Variants in FASTKD2 observed in about 807,000 individuals in gnomAD.
FASTKD2 encodes FAST kinase domain-containing protein 2, mitochondrial.
Under a neutral mutation model 63.6 loss-of-function variants are expected in FASTKD2, and 51 were observed. That is an observed-to-expected ratio of 0.80 (90% CI 0.64 to 1.01). The LOEUF (loss-of-function observed/expected upper bound fraction) is 1.01, where lower values mean the gene tolerates loss of function less well. FASTKD2 is among the 50% of genes least tolerant of loss of function. The pLI is 0.00. For synonymous variants in FASTKD2, 284 were observed against 293.4 expected, an observed-to-expected ratio of 0.97 and a Z score of 0.33; for missense variants, 786 against 831.1, an observed-to-expected ratio of 0.95 and a Z score of 0.67.
chr2:206,781,537 A>G (rs762990537), intron 7 of FASTKD2, among the ~76,000 whole-genome samples: 55 of 151,702 alleles, frequency 3.6e-4, no homozygotes, highest in Non-Finnish European at 6.0e-4. Flanking sequence ...GCTGGTCTAC[A>G]ACTCCTGACC....
chr2:206,769,800 A>G (rs748739674), intron 2 of FASTKD2, among the ~76,000 whole-genome samples: 35 of 152,254 alleles, frequency 2.3e-4, no homozygotes, highest in Non-Finnish European at 3.8e-4. Flanking sequence ...TGTTTAATAA[A>G]AGTTGTTTCA....
chr2:206,766,796 G>A lies in FASTKD2; in HGVS notation c.103G>A (p.Val35Ile), dbSNP rs1366608730. ...GAACCTTAGACAATTCAGTACATTA[G>A]TTTCAACAAGCAGAACTATGAGGCT... Reference protein sequence around the residue: ...FWNLRQFSTLVSTSRTMRLCC... With the variant: ...FWNLRQFSTLISTSRTMRLCC... The change falls in exon 2 of 12, where the codon GTT (valine) becomes ATT (isoleucine). Residue 35 changes from valine (V) to isoleucine (I), a missense_variant. Coordinates refer to ENST00000402774, the MANE Select transcript of FASTKD2 (RefSeq NM_001136193.2). 4 of 1,613,190 alleles carry A rather than the reference G, an allele frequency of 2.5e-6. No homozygotes were observed. Among genetic ancestry groups the A allele is most frequent in the African/African-American group, 1.3e-5 (1 of 74,866 alleles).
In FASTKD2 at chr2:206,791,755, G is replaced by C. The variant is rs888370551; in HGVS notation, c.2086G>C (p.Val696Leu). ...VTFLKTKIYS[V>L]EALPVAAVNV... ...ATTTTTGAAGACTAAAATCTATTCA[G>C]TAGAAGCTCTTCCTGTTGCTGCTGT... Residue 696 changes from valine (V) to leucine (L), a missense_variant, in exon 12 of 12, where the codon GTA becomes CTA. Physicochemically the swap from Val to Leu is conservative, Grantham distance 32. Transcript: ENST00000402774. 2.5e-6 allele frequency: 4 copies of C among 1,612,754 alleles called. No homozygotes were observed. In the African/African-American group the frequency reaches 4.0e-5, roughly 16 times the overall value.
intron 7 of FASTKD2, 74 bp downstream of exon 7, chr2:206,774,471 T>C: frequency 2.0e-6 from 2 of 980,398 alleles, no homozygotes; most frequent in South Asian, 1.4e-5. Flanking sequence ...ATAAGCTTAA[T>C]GAATTATTAC....
At position 206,767,122 on chromosome 2, in the gene FASTKD2, T is replaced by A; in HGVS notation, c.429T>A (p.Asp143Glu). Residue 143 changes from aspartate to glutamate, a missense_variant, in exon 2 of 12, where the codon GAT (aspartate) becomes GAA (glutamate). Physicochemically the swap from Asp to Glu is conservative, Grantham distance 45. Transcript: ENST00000402774. ...VNLNHEVSNEDVLTKETKPNR... is the reference protein window; with the variant it reads ...VNLNHEVSNEEVLTKETKPNR... ...TTAATCATGAAGTCTCCAATGAAGA[T>A]GTTCTTACCAAGGAAACAAAACCAA... 1 of 1,614,090 alleles carries A rather than the reference T, an allele frequency of 6.2e-7. No individual in the cohort carries two copies.
chr2:206,784,249 AG>A (rs1690074533), intron 7 of FASTKD2, among the ~76,000 whole-genome samples: 1 of 152,266 alleles, frequency 6.6e-6, no homozygotes, highest in Non-Finnish European at 1.5e-5. Context: ...AGAGGAAGGC[AG>A]TACATGGTAG....
chr2:206,773,769 G>A (rs1213704339), intron 6 of FASTKD2, among the ~76,000 whole-genome samples: 1 of 152,056 alleles, frequency 6.6e-6, no homozygotes, highest in Non-Finnish European at 1.5e-5. Context: ...TTCACTTATA[G>A]GTATGAATAT....
rs1291590411 is a variant in FASTKD2, at chr2:206,794,822, T to C, written c.*3020T>C. 6.6e-6 allele frequency among the ~76,000 whole-genome samples: 1 copy of C among 152,208 alleles called. No homozygotes were observed. The highest frequency in any genetic ancestry group is 2.4e-5 in the African/African-American group (1 of 41,452). ...TGACATTCCAATTTATAGAATGTCA[T>C]GTGTTGTGAGGGTAGTCACCCTGCA... On this transcript the variant is annotated 3_prime_UTR_variant, in exon 12 of 12. Coordinates refer to ENST00000402774, the MANE Select transcript of FASTKD2 (RefSeq NM_001136193.2).
At chr2:206,777,436 A>T (rs1162454474) in intron 7 of FASTKD2, among the ~76,000 whole-genome samples, 1 of 151,858 alleles carries the variant, frequency 6.6e-6, no homozygotes, top group Non-Finnish European at 1.5e-5. Flanking sequence ...TGATCATATG[A>T]TTTTTCTCCT....
rs1436983789 is a variant in FASTKD2, at chr2:206,793,046, AC to A, written c.*1248del. Among the ~76,000 whole-genome samples, 1 of 151,770 alleles carries A rather than the reference AC, an allele frequency of 6.6e-6. No homozygotes were observed. Among genetic ancestry groups the A allele is most frequent in the Non-Finnish European group, 1.5e-5 (1 of 67,946 alleles). On this transcript the variant is annotated 3_prime_UTR_variant, in exon 12 of 12. Transcript: ENST00000402774. ...AGACAATCCTGGCCAACACGGTGAA[AC>A]CCCATCTCTACTAAAATACAAAAAA... is the stretch of plus-strand genomic sequence containing the variant.
intron 3 of FASTKD2, 128 bp downstream of exon 3, chr2:206,770,322 G>C: frequency 1.4e-6 from 1 of 719,758 alleles, no homozygotes; most frequent in Non-Finnish European, 2.5e-6. Context: ...TTTGTTGGTA[G>C]TTACAGTCTT....
intron 8 of FASTKD2, among the ~76,000 whole-genome samples, chr2:206,787,551 G>A (rs969183602): frequency 2.6e-5 from 4 of 152,174 alleles, no homozygotes; most frequent in East Asian, 1.9e-4. Context: ...ATAATACCAC[G>A]TGCTGGTTTT....
Position 206,791,768 on chromosome 2 carries a change from C to CTGTT in FASTKD2, c.2100_2103dup (p.Ala702CysfsTer13). 3.1e-6 allele frequency: 5 copies of CTGTT among 1,612,962 alleles called. No individual in the cohort carries two copies. Among genetic ancestry groups the CTGTT allele is most frequent in the Non-Finnish European group, 3.4e-6 (4 of 1,179,380 alleles). On this transcript the variant is annotated frameshift_variant, in exon 12 of 12. Coordinates refer to ENST00000402774, the MANE Select transcript of FASTKD2 (RefSeq NM_001136193.2). LOFTEE classifies it high-confidence loss of function. ...AAAATCTATTCAGTAGAAGCTCTTCCTGTTGCTGCTGTAAATGTGCAAAGC... is the reference window on the plus strand; with the variant it reads ...AAAATCTATTCAGTAGAAGCTCTTCCTGTTTGTTGCTGCTGTAAATGTGCAAAGC...
intron 8 of FASTKD2, 65 bp downstream of exon 8, chr2:206,786,964 A>G (rs1690154364): frequency 1.0e-6 from 1 of 957,444 alleles, no homozygotes; most frequent in Non-Finnish European, 1.7e-6. Context: ...TAGCTACCAT[A>G]TGACTCTGAA....
Position 206,774,237 on chromosome 2 carries a change from C to T in FASTKD2, c.1267C>T (p.Leu423Phe). The change falls in exon 7 of 12, where the codon CTC becomes TTC. Residue 423 changes from leucine to phenylalanine, a missense_variant. Coordinates refer to ENST00000402774, the MANE Select transcript of FASTKD2 (RefSeq NM_001136193.2). Reference sequence around the variant, plus strand: ...TTCTCTTTTTAAGGTTCTTTTTATCCTCATTTTATTTGAAAACCTTGGCTT... The same window carrying T: ...TTCTCTTTTTAAGGTTCTTTTTATCTTCATTTTATTTGAAAACCTTGGCTT... Reference protein sequence around the residue: ...IWKFRKVLFILILFENLGFRP... With the variant: ...IWKFRKVLFIFILFENLGFRP... The T allele has an allele frequency of 2.5e-6, 4 of 1,608,708 alleles. No homozygotes were observed. The highest frequency in any genetic ancestry group is 3.4e-6 in the Non-Finnish European group (4 of 1,176,396).
intron 11 of FASTKD2, chr2:206,790,901 C>T (rs1303665311): frequency 1.9e-6 from 1 of 528,250 alleles, no homozygotes; most frequent in African/African-American, 1.9e-5. Context: ...AGAGCTTTTA[C>T]AAATGTTGTT....
chr2:206,774,729 T>A (rs924038996), intron 7 of FASTKD2, among the ~76,000 whole-genome samples: 2 of 152,104 alleles, frequency 1.3e-5, no homozygotes, highest in Non-Finnish European at 2.9e-5. Context: ...ATCTGTCTTT[T>A]AAAAAATTTG....
rs1014359455 is a variant in FASTKD2, at chr2:206,788,019, C to T, written c.1677C>T (p.Ala559=). Residue 559 remains alanine, a synonymous_variant, in exon 9 of 12, where the codon GCC becomes GCT. Transcript: ENST00000402774. The part of the protein sequence containing the change: ...LDDTVYLRDI[A]LSLPQLPREL... ...ATACTGTCTATCTGAGGGACATAGC[C>T]TTGTCACTCCCACAGCTGCCGCGGG... The T allele has an allele frequency of 6.2e-7, 1 of 1,612,966 alleles. No individual in the cohort carries two copies. Among genetic ancestry groups the T allele is most frequent in the Non-Finnish European group, 8.5e-7 (1 of 1,179,030 alleles).
At chr2:206,772,478 G>C (rs977865922) in intron 6 of FASTKD2, among the ~76,000 whole-genome samples, 158 bp downstream of exon 6, 7 of 152,158 alleles carry the variant, frequency 4.6e-5, no homozygotes, top group Non-Finnish European at 1.0e-4. Context: ...TATTATTCCT[G>C]TCTGGGGGCT....
Sources: allele counts gnomAD v4.1 joint callset (sites outside exome capture counted in the v4.1 genomes callset), GRCh38; gene constraint gnomAD v4.1.1; transcripts MANE v1.5; gene names NCBI Gene and HGNC (gene_info 2026-07-23, HGNC 2026-07-21).